Variants in CALD1 observed in about 807,000 individuals in gnomAD.
The protein encoded by CALD1 is caldesmon 1.
CALD1 carries 33 observed loss-of-function variants against 99.9 expected under a neutral mutation model. That is an observed-to-expected ratio of 0.33 (90% CI 0.25 to 0.44). CALD1 has a LOEUF of 0.44. Ranked by LOEUF, CALD1 falls within the 20% of genes least tolerant of loss-of-function variation. CALD1 has a pLI of 1.00. For synonymous variants in CALD1, 310 were observed against 325.0 expected, an observed-to-expected ratio of 0.95 and a Z score of 0.50; for missense variants, 861 against 962.1, an observed-to-expected ratio of 0.89 and a Z score of 1.39.
At chr7:134,940,848 A>C (rs1806370308) in intron 6 of CALD1, among the ~76,000 whole-genome samples, 1 of 152,188 alleles carries the variant, frequency 6.6e-6, no homozygotes, top group African/African-American at 2.4e-5. Context: ...TGAAAATAAA[A>C]ACCTCAGTGA....
At chr7:134,713,480 AGC>A in the CALD1 span, among the ~76,000 whole-genome samples, 1 of 152,202 alleles carries the variant, frequency 6.6e-6, no homozygotes, top group South Asian at 2.1e-4. Context: ...CGGGACATGC[AGC>A]GCCTTACACT....
intron 2 of CALD1, among the ~76,000 whole-genome samples, chr7:134,859,405 A>G (rs2132270786): frequency 6.6e-6 from 1 of 152,220 alleles, no homozygotes; most frequent in East Asian, 1.9e-4. Context: ...CTAGTGGCCA[A>G]TAGAGCAGCA....
chr7:134,719,525 TG>T, the CALD1 span, among the ~76,000 whole-genome samples: 1 of 152,008 alleles, frequency 6.6e-6, no homozygotes, highest in African/African-American at 2.4e-5. Context: ...TCCAGGGAAA[TG>T]GGGCAGTCAT....
At chr7:134,866,427 G>C (rs1028520100) in intron 2 of CALD1, among the ~76,000 whole-genome samples, 1 of 152,112 alleles carries the variant, frequency 6.6e-6, no homozygotes, top group South Asian at 2.1e-4. Flanking sequence ...TAATACCCTA[G>C]AGGATAAAAA....
rs565497844 is a variant in CALD1, at chr7:134,912,456, T to C, written c.72-16298T>C. Among the ~76,000 whole-genome samples, 558 of 152,290 alleles carry C rather than the reference T, an allele frequency of 3.7e-3. 1 individual carries two copies. Among genetic ancestry groups the C allele is most frequent in the Non-Finnish European group, 5.6e-3 (382 of 68,024 alleles). ...GCAAACCCAAGGCAACGCTGACACTTACACACGGAGAGGACACTAATGCTT... is the reference window on the plus strand; with the variant it reads ...GCAAACCCAAGGCAACGCTGACACTCACACACGGAGAGGACACTAATGCTT... On this transcript the variant is annotated intron_variant, in intron 3 of 14. Transcript: ENST00000361675.
rs529988236 is a variant in CALD1, at chr7:134,763,215, T to C, written c.-130+18852T>C. Among the ~76,000 whole-genome samples, 24 of 152,342 alleles carry C rather than the reference T, an allele frequency of 1.6e-4. No individual in the cohort carries two copies. In the South Asian group the frequency reaches 2.3e-3, roughly 14 times the overall value. ...ACAAAGTGATTTTGAGATTTAGAGA[T>C]AGTCTTTCTAAGGAGATAGATTCCT... On this transcript the variant is annotated intron_variant, in intron 1 of 13. Coordinates refer to the CALD1 transcript ENST00000417172.
At chr7:134,923,481 G>A (rs1804765954) in intron 3 of CALD1, among the ~76,000 whole-genome samples, 1 of 152,168 alleles carries the variant, frequency 6.6e-6, no homozygotes. Flanking sequence ...ACATCACTTG[G>A]CTTTGTTCTG....
intron 7 of CALD1, among the ~76,000 whole-genome samples, chr7:134,944,922 A>G (rs1233050521): frequency 4.6e-5 from 7 of 152,238 alleles, no homozygotes; most frequent in Non-Finnish European, 7.3e-5. Context: ...TACTTTGAGT[A>G]TCGACATGTT....
At chr7:134,841,220 C>G (rs1475942776) in intron 1 of CALD1, among the ~76,000 whole-genome samples, 1 of 152,116 alleles carries the variant, frequency 6.6e-6, no homozygotes, top group East Asian at 1.9e-4. Context: ...GGTCAATTCA[C>G]TTGTTAGTAT....
At chr7:134,742,096 C>T (rs1796597214), upstream of CALD1, among the ~76,000 whole-genome samples, 1 of 151,932 alleles carries the variant, frequency 6.6e-6, no homozygotes, top group Admixed American at 6.6e-5. Flanking sequence ...ACATTTTTCT[C>T]TTTCAATGGG....
intron 1 of CALD1, among the ~76,000 whole-genome samples, chr7:134,787,798 G>T (rs3800708): frequency 6.6e-6 from 1 of 152,004 alleles, no homozygotes; most frequent in Admixed American, 6.5e-5. Context: ...ATTCACTAAA[G>T]ATTGGAGAGC....
chr7:134,741,283 G>A (rs573615602), upstream of CALD1, among the ~76,000 whole-genome samples: 32 of 152,298 alleles, frequency 2.1e-4, no homozygotes, highest in Admixed American at 1.6e-3. Flanking sequence ...GCAGCAGTAA[G>A]GAGAAGTGAA....
intron 3 of CALD1, among the ~76,000 whole-genome samples, chr7:134,874,232 G>A (rs751637409): frequency 1.3e-5 from 2 of 150,408 alleles, no homozygotes; most frequent in Non-Finnish European, 3.0e-5. Flanking sequence ...TCACTTTGTC[G>A]GCCAGGCTGG....
At chr7:134,852,229 G>T (rs1484552850) in intron 2 of CALD1, among the ~76,000 whole-genome samples, 1 of 152,102 alleles carries the variant, frequency 6.6e-6, no homozygotes, top group East Asian at 1.9e-4. Context: ...GAAAAATATA[G>T]GGGATTTGCA....
At chr7:134,956,068 C>A (rs570432185) in intron 9 of CALD1, among the ~76,000 whole-genome samples, 3 of 151,978 alleles carry the variant, frequency 2.0e-5, no homozygotes, top group Non-Finnish European at 4.4e-5. Flanking sequence ...AGTTACTTTA[C>A]AGATGTTTTA....
chr7:134,834,113 C>T (rs1198050836), intron 1 of CALD1, among the ~76,000 whole-genome samples: 1 of 152,186 alleles, frequency 6.6e-6, no homozygotes, highest in African/African-American at 2.4e-5. Context: ...AGCAACAATA[C>T]TGTGATCAGA....
chr7:134,864,437 C>T (rs904506951), intron 2 of CALD1, among the ~76,000 whole-genome samples: 5 of 144,248 alleles, frequency 3.5e-5, no homozygotes, highest in African/African-American at 5.2e-5. Flanking sequence ...CTCGCTCTGT[C>T]GCTCAGACTG....
At chr7:134,908,067 A>G (rs545613147) in intron 3 of CALD1, among the ~76,000 whole-genome samples, 2 of 152,274 alleles carry the variant, frequency 1.3e-5, no homozygotes, top group South Asian at 4.1e-4. Flanking sequence ...CTTTAGGAAT[A>G]TCATGCTGAC....
chr7:134,941,098 G>T lies in CALD1; in HGVS notation c.1393G>T (p.Asp465Tyr), dbSNP rs1584627717. ...KPTFKKEEIK[D>Y]EKIKKDKEPK... is the part of the protein sequence containing the mutation. ...GATATGTACTGTTGGTTAGATCAAA[G>T]ATGAAAAGATTAAAAAGGACAAAGA... The change falls in exon 7 of 15, where the codon GAT becomes TAT. Residue 465 changes from aspartate to tyrosine, a missense_variant. This residue lies in a region of CALD1 where 293 missense variants were observed against 262.7 expected (regional missense o/e 1.12). Transcript: ENST00000361675. The T allele has an allele frequency of 6.2e-7, 1 of 1,606,902 alleles. No homozygotes were observed. The highest frequency in any genetic ancestry group is 8.5e-7 in the Non-Finnish European group (1 of 1,177,688).
Sources: gnomAD v4.1 joint callset for allele counts (sites outside exome capture counted in the v4.1 genomes callset) on GRCh38, gnomAD v4.1.1 for gene constraint, gnomAD v4.1.1 regional missense constraint, MANE v1.5 for transcripts, NCBI Gene and HGNC (gene_info 2026-07-23, HGNC 2026-07-21) for gene names.